The following ARHGEF10L variants were observed in gnomAD, a reference collection of about 807,000 sequenced individuals.
ARHGEF10L encodes the protein rho guanine nucleotide exchange factor 10-like protein.
In ARHGEF10L, 69 loss-of-function variants were observed where a neutral mutation model predicts 141.2. That is an observed-to-expected ratio of 0.49 (90% CI 0.40 to 0.60). ARHGEF10L has a LOEUF of 0.60. Among genes scored for constraint, ARHGEF10L ranks in the 20% least tolerant of loss-of-function variants. The probability of loss-of-function intolerance (pLI) is 0.00; values close to 1 mark genes in which losing one functional copy is unlikely to be tolerated. For synonymous variants in ARHGEF10L, 711 were observed against 718.5 expected (o/e 0.99, Z 0.17); for missense variants, 1,482 against 1,734.3 (o/e 0.85, Z 2.58).
At chr1:17,628,604 T>C (rs1287495858) in intron 15 of ARHGEF10L, among the ~76,000 whole-genome samples, 1 of 152,058 alleles carries the variant, frequency 6.6e-6, no homozygotes, top group Non-Finnish European at 1.5e-5. Flanking sequence ...AGGACTGTTC[T>C]TTGGAGAACG....
rs2062221217 is a variant in ARHGEF10L at position 17,656,011 on chromosome 1, G to C, written c.2614G>C (p.Glu872Gln). The change falls in exon 24 of 29, where the codon GAG becomes CAG. Residue 872 changes from glutamate to glutamine, a missense_variant. Glu to Gln is a conservative substitution (Grantham distance 29, BLOSUM62 2). This residue lies in a region of ARHGEF10L where 858 missense variants were observed against 966.3 expected (regional missense o/e 0.89). Coordinates refer to ENST00000361221, the MANE Select transcript of ARHGEF10L (RefSeq NM_018125.4). This position sits in a 1 kb window ranked among gnomAD's most constrained non-coding sequence, Gnocchi z 4.9. ...LCMEYIPELE[E>Q]EAESRDESPT... The stretch of plus-strand genomic sequence containing the variant: ...CATGGAGTATATCCCGGAGCTGGAG[G>C]AGGAGGCGGAGAGCAGAGACGAGAG... 3 of 1,572,792 alleles carry C rather than the reference G, an allele frequency of 1.9e-6. No individual in the cohort carries two copies. In the African/African-American group the frequency reaches 4.0e-5, roughly 21 times the overall value.
chr1:17,547,235 T>G lies in ARHGEF10L; in HGVS notation c.-44+7285T>G, dbSNP rs1570388832. On this transcript the variant is annotated intron_variant, in intron 1 of 28. Coordinates refer to ENST00000361221, the MANE Select transcript of ARHGEF10L (RefSeq NM_018125.4). ...GGGGTTCATCTTCCCACTGGCCTGT[T>G]GGTTGAGAGGATGGTCTCAGACCAG... Among the ~76,000 whole-genome samples the G allele has an allele frequency of 2.0e-5, 3 of 152,360 alleles. No homozygotes were observed. The South Asian group carries it at 6.2e-4, about 32-fold the overall frequency.
intron 4 of ARHGEF10L, among the ~76,000 whole-genome samples, chr1:17,599,112 G>A (rs2080388534): frequency 6.6e-6 from 1 of 152,132 alleles, no homozygotes; most frequent in Admixed American, 6.5e-5. Context: ...AAGGTGGGCA[G>A]ATCACCTGAG....
Position 17,623,405 on chromosome 1 carries a change from G to T in ARHGEF10L, c.1200+230G>T, listed in dbSNP as rs2060210405. ...CAGGCCATGGTGCTGATGAAGCCAG[G>T]TGGCTGTCCTGGCTCCTCCCAGGTG... On this transcript the variant is annotated intron_variant, in intron 12 of 28. Transcript: ENST00000361221. The surrounding 1 kb of genome is among the most constrained non-coding windows in gnomAD (Gnocchi z 4.7). 6.6e-6 allele frequency among the ~76,000 whole-genome samples: 1 copy of T among 152,148 alleles called. No homozygotes were observed. Among genetic ancestry groups the T allele is most frequent in the South Asian group, 2.1e-4 (1 of 4,826 alleles).
At chr1:17,520,436 C>A in the ARHGEF10L span, among the ~76,000 whole-genome samples, 1 of 152,350 alleles carries the variant, frequency 6.6e-6, no homozygotes, top group African/African-American at 2.4e-5. Flanking sequence ...CGGAGGACTG[C>A]GATTGGACTG....
rs540291273 is a variant in ARHGEF10L, at chr1:17,697,435, C to T, written c.*55C>T. The T allele has an allele frequency of 1.2e-4, 190 of 1,530,258 alleles. 1 individual carries two copies. The South Asian group carries it at 2.0e-3, about 16-fold the overall frequency. The allele number at this position is 1,530,258 out of a possible 1,614,324, so 94.8% of individuals were successfully genotyped here. On this transcript the variant is annotated 3_prime_UTR_variant, in exon 29 of 29. Transcript: ENST00000361221. This position sits in a 1 kb window ranked among gnomAD's most constrained non-coding sequence, Gnocchi z 4.8. ...CTGCAGGCCTGACCAAGGCCACGCC[C>T]GGCTCTCGTGCTCTAGGACCTGCAC...
chr1:17,607,771 C>T lies in ARHGEF10L; in HGVS notation c.434-31C>T, dbSNP rs1373521826. 1.3e-6 allele frequency: 2 copies of T among 1,522,018 alleles called. No homozygotes were observed. The highest frequency in any genetic ancestry group is 1.8e-6 in the Non-Finnish European group (2 of 1,138,440). The allele number at this position is 1,522,018 out of a possible 1,614,324, so 94.3% of individuals were successfully genotyped here. A position where few individuals can be genotyped will look rare whatever the true frequency, so the allele number is the denominator to read the frequency against. ...AGTCTGGTAGGCTTGGCCTCAGGGC[C>T]TGGGCTCACCGGCTGCCGCTTGGCC... On this transcript the variant is annotated intron_variant, in intron 6 of 28. Transcript: ENST00000361221. The surrounding 1 kb of genome is among the most constrained non-coding windows in gnomAD (Gnocchi z 4.5).
intron 22 of ARHGEF10L, among the ~76,000 whole-genome samples, chr1:17,653,239 G>A (rs1418722376): frequency 6.6e-6 from 1 of 152,184 alleles, no homozygotes; most frequent in Non-Finnish European, 1.5e-5. Context: ...GGCTGGAGCC[G>A]TGTTGGCTGT....
intron 27 of ARHGEF10L, among the ~76,000 whole-genome samples, chr1:17,692,537 C>T (rs2065182387): frequency 6.6e-6 from 1 of 152,150 alleles, no homozygotes; most frequent in Non-Finnish European, 1.5e-5. Context: ...ACCTCTGCTC[C>T]CCTCTCCCAG....
rs904995906 is a variant in ARHGEF10L, at chr1:17,654,220, G to A, written c.2395-416G>A. ...ACTGGTGACAGCGGTGACAGGCTGA[G>A]CCCTGGTTTCTGTGCGTGGCCCTCA... On this transcript the variant is annotated intron_variant, in intron 22 of 28. Coordinates refer to ENST00000361221, the MANE Select transcript of ARHGEF10L (RefSeq NM_018125.4). This position sits in a 1 kb window ranked among gnomAD's most constrained non-coding sequence, Gnocchi z 4.3. Among the ~76,000 whole-genome samples the A allele has an allele frequency of 1.3e-5, 2 of 152,228 alleles. No individual in the cohort carries two copies. Among genetic ancestry groups the A allele is most frequent in the African/African-American group, 4.8e-5 (2 of 41,454 alleles).
At chr1:17,519,175 A>G in the ARHGEF10L span, among the ~76,000 whole-genome samples, 3 of 143,020 alleles carry the variant, frequency 2.1e-5, no homozygotes, top group Non-Finnish European at 3.1e-5. Context: ...AACTCTGTCT[A>G]AAAAAAAAAA....
intron 26 of ARHGEF10L, among the ~76,000 whole-genome samples, chr1:17,667,469 G>T (rs1186788852): frequency 6.6e-6 from 1 of 152,212 alleles, no homozygotes; most frequent in Non-Finnish European, 1.5e-5. Flanking sequence ...GGAAGAAGCC[G>T]AGAACAGAGA....
At chr1:17,568,488 T>TG (rs1389824837) in intron 1 of ARHGEF10L, among the ~76,000 whole-genome samples, 1 of 152,048 alleles carries the variant, frequency 6.6e-6, no homozygotes, top group Non-Finnish European at 1.5e-5. Context: ...AAGGGGAACC[T>TG]GGGGGGCACA....
upstream of ARHGEF10L, among the ~76,000 whole-genome samples, chr1:17,538,080 AAAG>A (rs1170668089): frequency 1.4e-5 from 2 of 146,946 alleles, no homozygotes; most frequent in Non-Finnish European, 3.1e-5. Flanking sequence ...AAAAACAAAG[AAAG>A]AAAAAAAACA....
intron 23 of ARHGEF10L, among the ~76,000 whole-genome samples, chr1:17,655,198 G>A (rs1284379175): frequency 6.6e-6 from 1 of 152,120 alleles, no homozygotes; most frequent in Non-Finnish European, 1.5e-5. Flanking sequence ...CCTTCTGAGA[G>A]TGATTTGTTC....
the ARHGEF10L span, among the ~76,000 whole-genome samples, chr1:17,527,865 CTTTTCTTT>C: frequency 2.9e-4 from 34 of 115,622 alleles, no homozygotes; most frequent in East Asian, 1.2e-3. Context: ...TTCTTTCTTT[CTTTTCTTT>C]TTTTTTTTTT....
intron 1 of ARHGEF10L, among the ~76,000 whole-genome samples, chr1:17,562,195 A>G (rs1020993335): frequency 6.6e-6 from 1 of 152,204 alleles, no homozygotes; most frequent in African/African-American, 2.4e-5. Context: ...TGGGTGCATC[A>G]CTTGATCCTA....
At chr1:17,668,472 TG>T (rs58390192) in intron 26 of ARHGEF10L, among the ~76,000 whole-genome samples, 2,954 of 152,348 alleles carry the variant, frequency 0.019, 96 homozygotes, top group African/African-American at 0.067. Flanking sequence ...AGCTCTGGCG[TG>T]ACCATCCCTG....
chr1:17,640,479 T>C (rs1434122792), intron 21 of ARHGEF10L, among the ~76,000 whole-genome samples, 177 bp downstream of exon 21: 1 of 152,124 alleles, frequency 6.6e-6, no homozygotes, highest in Non-Finnish European at 1.5e-5. Flanking sequence ...GGCTCTGCTT[T>C]GTGACCCTGG....
Sources: gnomAD v4.1 joint callset for allele counts (sites outside exome capture counted in the v4.1 genomes callset) on GRCh38, gnomAD v4.1.1 for gene constraint, gnomAD v4.1.1 regional missense constraint, Gnocchi (gnomAD v3.1) non-coding constraint, MANE v1.5 for transcripts, NCBI Gene and HGNC (gene_info 2026-07-23, HGNC 2026-07-21) for gene names.